ATP11B: variants seen among roughly 807,000 people sequenced by gnomAD.
ATP11B encodes phospholipid-transporting ATPase IF.
A neutral mutation model predicts 157.8 loss-of-function variants in ATP11B; 81 were observed. The ratio of observed to expected loss-of-function variants is 0.51; its 90% confidence interval spans 0.43 to 0.62. The LOEUF is 0.62. Among genes scored for constraint, ATP11B ranks in the 20% least tolerant of loss-of-function variants. ATP11B has a pLI of 0.00. For missense variants in ATP11B, 1,165 were observed against 1,402.2 expected (o/e 0.83, Z 2.70); for synonymous variants, 451 against 469.4 (o/e 0.96, Z 0.51).
chr3:182,799,105 T>C (rs1051737353), intron 1 of ATP11B, among the ~76,000 whole-genome samples: 2 of 152,188 alleles, frequency 1.3e-5, no homozygotes, highest in African/African-American at 4.8e-5. Context: ...ATTTTCAGAG[T>C]GTTGGTCTGC....
At chr3:182,813,357 C>T (rs1716783697) in intron 1 of ATP11B, among the ~76,000 whole-genome samples, 3 of 152,194 alleles carry the variant, frequency 2.0e-5, no homozygotes, top group African/African-American at 7.2e-5. Flanking sequence ...GTTCCAGTTT[C>T]TCCACATTTT....
chr3:182,802,565 T>C (rs1716082034), intron 1 of ATP11B, among the ~76,000 whole-genome samples: 1 of 152,182 alleles, frequency 6.6e-6, no homozygotes, highest in African/African-American at 2.4e-5. Context: ...TTACTACCTC[T>C]ACCTGGAATG....
At position 182,911,926 on chromosome 3, in the gene ATP11B, C is replaced by G. The variant is rs1724822881; in HGVS notation, c.3319-1935C>G. Among the ~76,000 whole-genome samples, 3 of 152,132 alleles carry G rather than the reference C, an allele frequency of 2.0e-5. No individual in the cohort carries two copies. The South Asian group carries it at 6.2e-4, about 32-fold the overall frequency. Reference sequence around the variant, plus strand: ...TGATGTAGGGGTCAGCATTCTGACCCTGATTGATGGCAGGCCCCGACACGT... The same window carrying G: ...TGATGTAGGGGTCAGCATTCTGACCGTGATTGATGGCAGGCCCCGACACGT... On this transcript the variant is annotated intron_variant, in intron 28 of 29. Coordinates refer to ENST00000323116, the MANE Select transcript of ATP11B (RefSeq NM_014616.3).
chr3:182,814,605 T>G (rs1205683701), intron 1 of ATP11B, among the ~76,000 whole-genome samples: 2 of 152,018 alleles, frequency 1.3e-5, no homozygotes, highest in Non-Finnish European at 2.9e-5. Flanking sequence ...CCCAGGAGGT[T>G]GGGACCAGCC....
chr3:182,830,111 T>A, intron 4 of ATP11B: 1 of 280,736 alleles, frequency 3.6e-6, no homozygotes, highest in Non-Finnish European at 5.4e-6. Flanking sequence ...AGAGATATGT[T>A]TATAGAGAGC....
chr3:182,877,069 G>T (rs907899641), intron 19 of ATP11B, among the ~76,000 whole-genome samples: 4 of 152,210 alleles, frequency 2.6e-5, no homozygotes, highest in African/African-American at 4.8e-5. Flanking sequence ...ATTGTCACCT[G>T]TCTAGGCATT....
chr3:182,827,142 G>A (rs1003877644), intron 2 of ATP11B, among the ~76,000 whole-genome samples: 9 of 152,110 alleles, frequency 5.9e-5, no homozygotes, highest in Non-Finnish European at 7.4e-5. Flanking sequence ...ATTCTTCTGG[G>A]AGGATGTACA....
At chr3:182,864,141 T>C (rs535173241) in intron 12 of ATP11B, among the ~76,000 whole-genome samples, 9 of 152,288 alleles carry the variant, frequency 5.9e-5, no homozygotes, top group South Asian at 4.1e-4. Context: ...GCTGAACTTA[T>C]ATATTCTATT....
chr3:182,829,189 C>T (rs1717943487), intron 3 of ATP11B, among the ~76,000 whole-genome samples: 1 of 152,080 alleles, frequency 6.6e-6, no homozygotes. Flanking sequence ...TGGAATAGAA[C>T]AAATTTAATG....
chr3:182,794,195 C>T (rs1715447851), intron 1 of ATP11B, among the ~76,000 whole-genome samples: 1 of 152,166 alleles, frequency 6.6e-6, no homozygotes, highest in African/African-American at 2.4e-5. Context: ...CTGCCTCGAA[C>T]AATTTGGGAC....
intron 4 of ATP11B, among the ~76,000 whole-genome samples, chr3:182,832,420 T>C (rs1302423321): frequency 6.6e-6 from 1 of 152,206 alleles, no homozygotes; most frequent in East Asian, 1.9e-4. Context: ...TTGCAACAAC[T>C]ATTCCTAACT....
At chr3:182,815,215 C>A (rs1292959218) in intron 1 of ATP11B, among the ~76,000 whole-genome samples, 2 of 152,104 alleles carry the variant, frequency 1.3e-5, no homozygotes, top group African/African-American at 2.4e-5. Flanking sequence ...TAACTTAAAT[C>A]CTGAAGTGAA....
chr3:182,814,836 A>G (rs1448535217), intron 1 of ATP11B, among the ~76,000 whole-genome samples: 1 of 152,094 alleles, frequency 6.6e-6, no homozygotes, highest in Non-Finnish European at 1.5e-5. Flanking sequence ...GGAGGGGGAG[A>G]TAGATACAGA....
chr3:182,850,922 G>A (rs763231537), intron 10 of ATP11B, among the ~76,000 whole-genome samples: 6 of 152,094 alleles, frequency 3.9e-5, no homozygotes, highest in Non-Finnish European at 5.9e-5. Context: ...ATACTATTTG[G>A]CCATAAGAAG....
At chr3:182,835,437 A>G (rs984572842) in intron 4 of ATP11B, among the ~76,000 whole-genome samples, 2 of 152,226 alleles carry the variant, frequency 1.3e-5, no homozygotes, top group South Asian at 2.1e-4. Flanking sequence ...CATAGATGTT[A>G]GGAAAAGGGT....
chr3:182,834,626 G>A (rs1285648330), intron 4 of ATP11B, among the ~76,000 whole-genome samples: 1 of 152,074 alleles, frequency 6.6e-6, no homozygotes, highest in Non-Finnish European at 1.5e-5. Context: ...CTGAGTTCTT[G>A]AATTTTCTTA....
intron 1 of ATP11B, among the ~76,000 whole-genome samples, chr3:182,796,649 T>C (rs1715614625): frequency 6.6e-6 from 1 of 152,218 alleles, no homozygotes; most frequent in Non-Finnish European, 1.5e-5. Flanking sequence ...AAGCACTTGC[T>C]GTGTGCTGGT....
chr3:182,802,135 G>T (rs1045109037), intron 1 of ATP11B, among the ~76,000 whole-genome samples: 2 of 152,112 alleles, frequency 1.3e-5, no homozygotes, highest in Non-Finnish European at 2.9e-5. Context: ...GGAGCAAATC[G>T]TATCTCCCTT....
intron 22 of ATP11B, among the ~76,000 whole-genome samples, chr3:182,885,195 A>G (rs559484958): frequency 1.3e-5 from 2 of 152,246 alleles, no homozygotes; most frequent in East Asian, 3.9e-4. Flanking sequence ...TAGCCTTTTT[A>G]TGCCATGAAT....
Sources: allele counts gnomAD v4.1 joint callset (sites outside exome capture counted in the v4.1 genomes callset), GRCh38; gene constraint gnomAD v4.1.1; transcripts MANE v1.5; gene names NCBI Gene and HGNC (gene_info 2026-07-23, HGNC 2026-07-21).